GBP6: variants seen among roughly 807,000 people sequenced by gnomAD.
GBP6 encodes guanylate binding protein family member 6.
Under a neutral mutation model 61.5 loss-of-function variants are expected in GBP6, and 54 were observed. The observed-to-expected ratio is 0.88, with a 90% CI of 0.71 to 1.10. GBP6 has a LOEUF of 1.10. Ranked by LOEUF, GBP6 falls within the 50% of genes least tolerant of loss-of-function variation. The probability of loss-of-function intolerance (pLI) is 0.00; values close to 1 mark genes in which losing one functional copy is unlikely to be tolerated. For synonymous variants in GBP6, 255 were observed against 273.7 expected (o/e 0.93, Z 0.67); for missense variants, 748 against 752.8 (o/e 0.99, Z 0.07).
Position 89,378,536 on chromosome 1 carries a change from T to C in GBP6, c.548T>C (p.Phe183Ser), listed in dbSNP as rs1652872352. Residue 183 changes from phenylalanine to serine, a missense_variant, in exon 5 of 11, where the codon TTC becomes TCC. Phe to Ser is a radical substitution (Grantham distance 155, BLOSUM62 -2). Coordinates refer to ENST00000370456, the MANE Select transcript of GBP6 (RefSeq NM_198460.3). ...FPDFLWTVRDFTLELKLNGHP... is the reference protein window; with the variant it reads ...FPDFLWTVRDSTLELKLNGHP... ...GACTTTCTTTGGACAGTACGGGATT[T>C]CACTCTGGAGCTGAAGTTGAACGGT... 6.2e-7 allele frequency: 1 copy of C among 1,613,956 alleles called. No homozygotes were observed. Among genetic ancestry groups the C allele is most frequent in the African/African-American group, 1.3e-5 (1 of 74,914 alleles).
chr1:89,368,054 G>C (rs1286034282), intron 1 of GBP6, among the ~76,000 whole-genome samples: 1 of 152,124 alleles, frequency 6.6e-6, no homozygotes, highest in African/African-American at 2.4e-5. Flanking sequence ...GTTTTGTGAT[G>C]TCTCCAAGGA....
rs1652558353 is a variant in GBP6, at chr1:89,369,414, T to C, written c.191-132T>C. ...TATAGATTATTCACAAAGTAAGCCA[T>C]TCTTGAGGAAATACAGAAAGGACCA... On this transcript the variant is annotated intron_variant, in intron 2 of 10. Transcript: ENST00000370456. 4.5e-6 allele frequency: 5 copies of C among 1,099,362 alleles called. No individual in the cohort carries two copies. The East Asian group carries it at 1.3e-4, about 28-fold the overall frequency. The allele number at this position is 1,099,362 out of a possible 1,614,324, so 68.1% of individuals were successfully genotyped here.
intron 4 of GBP6, 52 bp from the exon 5 acceptor site, chr1:89,378,365 A>C: frequency 6.4e-7 from 1 of 1,563,530 alleles, no homozygotes; most frequent in South Asian, 1.2e-5. Context: ...TTTTTATAAA[A>C]GAAATGTGTG....
chr1:89,384,444 C>T (rs1239221430), intron 10 of GBP6, among the ~76,000 whole-genome samples, 158 bp downstream of exon 10: 2 of 152,158 alleles, frequency 1.3e-5, no homozygotes, highest in Admixed American at 6.5e-5. Flanking sequence ...TTAATTGTTT[C>T]AGTAAGACTT....
rs2100657477 is a variant in GBP6, at chr1:89,368,575, G to A, written c.24G>A (p.Leu8=). 2.5e-6 allele frequency: 4 copies of A among 1,613,932 alleles called. No individual in the cohort carries two copies. Among genetic ancestry groups the A allele is most frequent in the East Asian group, 2.2e-5 (1 of 44,888 alleles). Residue 8 remains leucine (L), a synonymous_variant, in exon 2 of 11, where the codon TTG becomes TTA. Coordinates refer to ENST00000370456, the MANE Select transcript of GBP6 (RefSeq NM_198460.3). The part of the protein sequence containing the change: MESGPKM[L]APVCLVENNN... ...CCATGGAATCTGGACCCAAAATGTT[G>A]GCCCCCGTTTGCCTGGTGGAAAATA...
At position 89,383,892 on chromosome 1, in the gene GBP6, AG is replaced by A. The variant is rs1653058559; in HGVS notation, c.1468+142del. The A allele has an allele frequency of 3.6e-6, 3 of 829,994 alleles. No individual in the cohort carries two copies. In the Admixed American group the frequency reaches 8.8e-5, roughly 24 times the overall value. 51.4% of individuals were successfully genotyped at this position (829,994 alleles called of 1,614,324 possible). ...CACTCTGCTAAATCTTAAAATAACA[AG>A]GGGAGCTATGATTGTACATCAGCCA... On this transcript the variant is annotated intron_variant, in intron 9 of 10. Coordinates refer to ENST00000370456, the MANE Select transcript of GBP6 (RefSeq NM_198460.3).
intron 9 of GBP6, 105 bp downstream of exon 9, chr1:89,383,859 G>A: frequency 1.1e-6 from 1 of 932,918 alleles, no homozygotes; most frequent in Non-Finnish European, 1.6e-6. Flanking sequence ...CCTCTTCTGT[G>A]GAACACACAC....
intron 5 of GBP6, among the ~76,000 whole-genome samples, chr1:89,380,002 A>G (rs551976065): frequency 1.3e-5 from 2 of 152,264 alleles, no homozygotes; most frequent in East Asian, 3.9e-4. Flanking sequence ...AGCTGGTGTC[A>G]TGGTGCACAC....
chr1:89,380,743 G>T, intron 6 of GBP6, 112 bp downstream of exon 6: 1 of 897,582 alleles, frequency 1.1e-6, no homozygotes, highest in Non-Finnish European at 1.7e-6. Flanking sequence ...GTGTATACAG[G>T]TATTCACACT....
rs1311694385 is a variant in GBP6, at chr1:89,378,400, C to G, written c.429-17C>G. On this transcript the variant is annotated splice_polypyrimidine_tract_variant and intron_variant, in intron 4 of 10. Transcript: ENST00000370456. ...GAATTGTGGGCAGACAGTTGCTTTT[C>G]CTTACCTAAGTCCTAGTTATGTGAC... 5.0e-6 allele frequency: 8 copies of G among 1,603,860 alleles called. No homozygotes were observed. The highest frequency in any genetic ancestry group is 4.0e-5 in the African/African-American group (3 of 74,244).
chr1:89,368,914 T>C (rs918333871), intron 2 of GBP6, among the ~76,000 whole-genome samples, 173 bp downstream of exon 2: 2 of 152,178 alleles, frequency 1.3e-5, no homozygotes, highest in Non-Finnish European at 2.9e-5. Context: ...ATTCTCATAT[T>C]TTTTCCCTCA....
chr1:89,377,625 A>G (rs949113501), intron 3 of GBP6, among the ~76,000 whole-genome samples: 3 of 152,244 alleles, frequency 2.0e-5, no homozygotes, highest in African/African-American at 7.2e-5. Flanking sequence ...AGTCATCATG[A>G]CAGTAAATTT....
chr1:89,374,438 AT>A (rs746950948), intron 3 of GBP6, among the ~76,000 whole-genome samples: 6 of 152,104 alleles, frequency 3.9e-5, no homozygotes, highest in Middle Eastern at 3.2e-3. Context: ...TTTCATTTGG[AT>A]TTATACATAA....
chr1:89,366,814 A>G (rs1272886854), intron 1 of GBP6, among the ~76,000 whole-genome samples: 1 of 152,164 alleles, frequency 6.6e-6, no homozygotes, highest in Non-Finnish European at 1.5e-5. Flanking sequence ...ACCTTTAAAC[A>G]ATGATTCTGC....
At chr1:89,383,625 T>G (rs1248511804) in intron 8 of GBP6, 27 bp from the exon 9 acceptor site, 2 of 1,474,386 alleles carry the variant, frequency 1.4e-6, no homozygotes, top group Admixed American at 3.8e-5. Flanking sequence ...TTCAAAGAAA[T>G]CTAAGTGCTT....
intron 6 of GBP6, among the ~76,000 whole-genome samples, chr1:89,381,064 C>T (rs1001235112): frequency 2.0e-5 from 3 of 151,890 alleles, no homozygotes; most frequent in Admixed American, 6.6e-5. Context: ...GCACGCAGAT[C>T]GCTTGAGCTC....
chr1:89,369,615 C>G lies in GBP6; in HGVS notation c.260C>G (p.Ser87Cys), dbSNP rs1392483455. Reference sequence around the variant, plus strand: ...TGGATGTGGTGCGTGCCCCACCCATCCAAGCCAAACCACACCCTGGTCCTT... The same window carrying G: ...TGGATGTGGTGCGTGCCCCACCCATGCAAGCCAAACCACACCCTGGTCCTT... ...GIWMWCVPHP[S>C]KPNHTLVLLD... The change falls in exon 3 of 11, where the codon TCC becomes TGC. Residue 87 changes from serine to cysteine, a missense_variant. Coordinates refer to ENST00000370456, the MANE Select transcript of GBP6 (RefSeq NM_198460.3). 6.2e-7 allele frequency: 1 copy of G among 1,613,976 alleles called. No individual in the cohort carries two copies. Among genetic ancestry groups the G allele is most frequent in the Non-Finnish European group, 8.5e-7 (1 of 1,179,966 alleles).
intron 3 of GBP6, 122 bp from the exon 4 acceptor site, chr1:89,377,981 C>T (rs762188570): frequency 2.3e-6 from 2 of 864,398 alleles, no homozygotes; most frequent in East Asian, 2.6e-5. Flanking sequence ...ACATTCATGT[C>T]TATGTTCTTT....
In GBP6 at chr1:89,378,583, T is replaced by C. The variant is rs1294288598; in HGVS notation, c.595T>C (p.Tyr199His). 1.2e-6 allele frequency: 2 copies of C among 1,613,242 alleles called. No homozygotes were observed. The highest frequency in any genetic ancestry group is 1.1e-5 in the South Asian group (1 of 91,014). ...CGGTCACCCTATCACAGAAGATGAA[T>C]ACCTGGAGAATGCCTTGAAGCTGAT... The part of the protein sequence containing the change: ...LNGHPITEDE[Y>H]LENALKLIQG... Residue 199 changes from tyrosine to histidine, a missense_variant, in exon 5 of 11, where the codon TAC becomes CAC. Physicochemically the swap from Tyr to His is moderately conservative, Grantham distance 83 (BLOSUM62 2). Transcript: ENST00000370456.
Sources: gnomAD v4.1 joint callset for allele counts (sites outside exome capture counted in the v4.1 genomes callset) on GRCh38, gnomAD v4.1.1 for gene constraint, MANE v1.5 for transcripts, NCBI Gene and HGNC (gene_info 2026-07-23, HGNC 2026-07-21) for gene names.